The following TEX15 variants were observed in gnomAD, a reference collection of about 807,000 sequenced individuals.
The protein encoded by TEX15 is testis expressed 15, meiosis and synapsis associated, also known as testis-expressed protein 15.
Under a neutral mutation model 237.3 loss-of-function variants are expected in TEX15, and 171 were observed. The observed-to-expected ratio is 0.72, with a 90% CI of 0.64 to 0.82. The LOEUF (loss-of-function observed/expected upper bound fraction) is 0.82, where lower values mean the gene tolerates loss of function less well. TEX15 is among the 40% of genes least tolerant of loss of function. The pLI, the probability that TEX15 is intolerant of heterozygous loss-of-function variation, is 0.00. For missense variants in TEX15, 3,750 were observed against 3,646.5 expected (o/e 1.03, Z -0.73); for synonymous variants, 1,338 against 1,269.8 (o/e 1.05, Z -1.14).
At position 30,845,345 on chromosome 8, in the gene TEX15, C is replaced by T. The variant is rs751183439; in HGVS notation, c.4822G>A (p.Ala1608Thr). The T allele has an allele frequency of 7.4e-6, 12 of 1,611,960 alleles. No homozygotes were observed. Among genetic ancestry groups the T allele is most frequent in the South Asian group, 4.4e-5 (4 of 90,928 alleles). The part of the protein sequence containing the change: ...KDATKENSCD[A>T]NEVINESNSV... The stretch of plus-strand genomic sequence containing the variant: ...TTACTTTCATTTATTACTTCATTAG[C>T]GTCACAACTGTTTTCTTTAGTTGCA... Residue 1608 changes from alanine (A) to threonine (T), a missense_variant, in exon 8 of 11, where the codon GCT becomes ACT. Coordinates refer to ENST00000643185, the MANE Select transcript of TEX15 (RefSeq NM_001350162.2).
intron 3 of TEX15, among the ~76,000 whole-genome samples, chr8:30,884,913 C>T (rs182338915): frequency 5.3e-5 from 8 of 152,120 alleles, no homozygotes; most frequent in East Asian, 1.9e-4. Flanking sequence ...AAGGTGTAAA[C>T]GTAAATTACT....
At chr8:30,860,835 G>A (rs574094631) in intron 5 of TEX15, among the ~76,000 whole-genome samples, 13 of 151,274 alleles carry the variant, frequency 8.6e-5, no homozygotes, top group Admixed American at 2.6e-4. Context: ...ACAGGCGTGA[G>A]CCACCGCGCC....
intron 3 of TEX15, among the ~76,000 whole-genome samples, chr8:30,883,987 G>C (rs1030515012): frequency 2.6e-5 from 4 of 152,116 alleles, no homozygotes; most frequent in African/African-American, 9.7e-5. Context: ...TTGGGATCAA[G>C]CGTTCCTCCC....
chr8:30,847,870 G>A lies in TEX15; in HGVS notation c.2297C>T (p.Pro766Leu), dbSNP rs9297162. 6.8e-6 allele frequency: 11 copies of A among 1,613,598 alleles called. No homozygotes were observed. Among genetic ancestry groups the A allele is most frequent in the East Asian group, 6.7e-5 (3 of 44,862 alleles). Reference sequence around the variant, plus strand: ...GGCCTGGGGTATGTCTTTTGGTTTCGGGAAAGCTTCAGTTATAATGCTAGC... The same window carrying A: ...GGCCTGGGGTATGTCTTTTGGTTTCAGGAAAGCTTCAGTTATAATGCTAGC... ...NYASIITEAF[P>L]KPKDIPQAKE... Residue 766 changes from proline (P) to leucine (L), a missense_variant, in exon 8 of 11, where the codon CCG becomes CTG. Physicochemically the swap from Pro to Leu is moderately conservative, Grantham distance 98 (BLOSUM62 -3). Coordinates refer to ENST00000643185, the MANE Select transcript of TEX15 (RefSeq NM_001350162.2).
chr8:30,846,574 C>T lies in TEX15; in HGVS notation c.3593G>A (p.Gly1198Glu). Reference protein sequence around the residue: ...ATKPEINKEDGEILGFDIYSQ... With the variant: ...ATKPEINKEDEEILGFDIYSQ... ...ATAAATGTCAAATCCTAGAATTTCT[C>T]CATCTTCCTTATTTATTTCCGGTTT... Residue 1198 changes from glycine (G) to glutamate (E), a missense_variant, in exon 8 of 11, where the codon GGA becomes GAA. Physicochemically the swap from Gly to Glu is moderately conservative, Grantham distance 98. Transcript: ENST00000643185. 6.2e-7 allele frequency: 1 copy of T among 1,613,832 alleles called. No homozygotes were observed. Among genetic ancestry groups the T allele is most frequent in the South Asian group, 1.1e-5 (1 of 91,056 alleles).
At position 30,844,273 on chromosome 8, in the gene TEX15, G is replaced by C. The variant is rs762560982; in HGVS notation, c.5894C>G (p.Ser1965Cys). The change falls in exon 8 of 11, where the codon TCT becomes TGT. Residue 1965 changes from serine to cysteine, a missense_variant. Transcript: ENST00000643185. ...AAGAGTAGGGACTTTACAGGTTTCAGAGTGGGCAGGTAAAATAGGCGTATG... is the reference window on the plus strand; with the variant it reads ...AAGAGTAGGGACTTTACAGGTTTCACAGTGGGCAGGTAAAATAGGCGTATG... ...VNHTPILPAH[S>C]ETCKVPTLLK... The C allele has an allele frequency of 1.2e-6, 2 of 1,613,368 alleles. No homozygotes were observed. The highest frequency in any genetic ancestry group is 3.3e-5 in the Admixed American group (2 of 59,974).
At chr8:30,855,025 A>G (rs752565138) in intron 7 of TEX15, among the ~76,000 whole-genome samples, 3 of 152,158 alleles carry the variant, frequency 2.0e-5, no homozygotes, top group Admixed American at 6.5e-5. Context: ...ACTTCCTGGT[A>G]AAAGACTGGA....
intron 7 of TEX15, among the ~76,000 whole-genome samples, chr8:30,851,235 C>T (rs764856336): frequency 1.1e-4 from 16 of 152,096 alleles, no homozygotes; most frequent in African/African-American, 1.7e-4. Flanking sequence ...ATGAGACTGG[C>T]TAAATGAATG....
intron 3 of TEX15, among the ~76,000 whole-genome samples, chr8:30,880,008 A>C (rs1361443982): frequency 6.6e-6 from 1 of 151,722 alleles, no homozygotes; most frequent in Non-Finnish European, 1.5e-5. Flanking sequence ...TTTGTACCTA[A>C]GTATTTCATT....
In TEX15 at chr8:30,846,582, CTTAT is replaced by C. The variant is rs756261029; in HGVS notation, c.3581_3584del (p.Asn1194ArgfsTer7). 9 of 1,613,726 alleles carry C rather than the reference CTTAT, an allele frequency of 5.6e-6. No homozygotes were observed. Among genetic ancestry groups the C allele is most frequent in the African/African-American group, 2.7e-5 (2 of 74,916 alleles). Reference sequence around the variant, plus strand: ...CAAATCCTAGAATTTCTCCATCTTCCTTATTTATTTCCGGTTTTGTGGCTTCAGT... The same window carrying C: ...CAAATCCTAGAATTTCTCCATCTTCCTTATTTCCGGTTTTGTGGCTTCAGT... On this transcript the variant is annotated frameshift_variant, in exon 8 of 11. Coordinates refer to ENST00000643185, the MANE Select transcript of TEX15 (RefSeq NM_001350162.2). LOFTEE classifies it high-confidence loss of function.
chr8:30,839,751 T>C (rs1807398962), intron 9 of TEX15, among the ~76,000 whole-genome samples, 155 bp downstream of exon 9: 1 of 152,170 alleles, frequency 6.6e-6, no homozygotes, highest in South Asian at 2.1e-4. Context: ...CTGTATAATT[T>C]CAAACAAATT....
chr8:30,833,062 TC>T lies in TEX15; in HGVS notation c.*223del, dbSNP rs1041260918. The T allele has an allele frequency of 2.7e-5, 11 of 402,742 alleles. No homozygotes were observed. Among genetic ancestry groups the T allele is most frequent in the African/African-American group, 2.1e-4 (10 of 48,002 alleles). 24.9% of individuals were successfully genotyped at this position (402,742 alleles called of 1,614,324 possible). On this transcript the variant is annotated 3_prime_UTR_variant, in exon 11 of 11. Coordinates refer to ENST00000643185, the MANE Select transcript of TEX15 (RefSeq NM_001350162.2). ...TTGCTTAACTTTGATCATATTACCC[TC>T]CCCTTATAATTGCATGGAAATAATT... is the stretch of plus-strand genomic sequence containing the variant.
intron 1 of TEX15, among the ~76,000 whole-genome samples, chr8:30,899,506 T>C (rs1009692849): frequency 6.6e-6 from 1 of 152,170 alleles, no homozygotes; most frequent in African/African-American, 2.4e-5. Context: ...TACAGTGGCA[T>C]GATTTTGGCT....
chr8:30,868,826 T>G (rs959203539), intron 4 of TEX15, among the ~76,000 whole-genome samples: 1 of 151,282 alleles, frequency 6.6e-6, no homozygotes, highest in African/African-American at 2.4e-5. Context: ...TACAGCAGGG[T>G]TTTTCCACAG....
In TEX15 at chr8:30,831,563, T is replaced by G. The variant is rs1403002422; in HGVS notation, c.*1723A>C. 6.6e-6 allele frequency: 1 copy of G among 152,204 alleles called. No homozygotes were observed. Among genetic ancestry groups the G allele is most frequent in the Non-Finnish European group, 1.5e-5 (1 of 68,036 alleles). 9.4% of individuals were successfully genotyped at this position (152,204 alleles called of 1,614,324 possible). ...ACACACTTGAAGCAAAAATATTCCA[T>G]GTTTTAATATTCTGTCACGTACAGA... is the stretch of plus-strand genomic sequence containing the variant. On this transcript the variant is annotated 3_prime_UTR_variant, in exon 11 of 11. Transcript: ENST00000643185.
chr8:30,859,393 AAT>A (rs1469353847), intron 6 of TEX15, among the ~76,000 whole-genome samples: 1 of 152,038 alleles, frequency 6.6e-6, no homozygotes, highest in Non-Finnish European at 1.5e-5. Flanking sequence ...CTTGTTTCAA[AAT>A]AGCCTTGTTT....
chr8:30,833,834 G>A (rs1019022925), intron 10 of TEX15, among the ~76,000 whole-genome samples: 1 of 152,088 alleles, frequency 6.6e-6, no homozygotes, highest in African/African-American at 2.4e-5. Flanking sequence ...TTAAGTAAAT[G>A]ATTATTTCTT....
Position 30,848,965 on chromosome 8 carries a change from G to T in TEX15, c.1202C>A (p.Thr401Lys). The T allele has an allele frequency of 6.2e-7, 1 of 1,614,120 alleles. No individual in the cohort carries two copies. Among genetic ancestry groups the T allele is most frequent in the South Asian group, 1.1e-5 (1 of 91,080 alleles). The change falls in exon 8 of 11, where the codon ACA becomes AAA. Residue 401 changes from threonine to lysine, a missense_variant. By Grantham distance (78) the Thr-to-Lys change is moderately conservative. Coordinates refer to ENST00000643185, the MANE Select transcript of TEX15 (RefSeq NM_001350162.2). ...ACCACTTAAAATATTTTTAAGACTTGTCCAATTTAACAAAAGGTCACCATT... is the reference window on the plus strand; with the variant it reads ...ACCACTTAAAATATTTTTAAGACTTTTCCAATTTAACAAAAGGTCACCATT... ...SVNGDLLLNWTSLKNILSGLN... is the reference protein window; with the variant it reads ...SVNGDLLLNWKSLKNILSGLN...
chr8:30,866,461 A>C (rs2128771657), intron 5 of TEX15, among the ~76,000 whole-genome samples: 1 of 152,186 alleles, frequency 6.6e-6, no homozygotes, highest in South Asian at 2.1e-4. Context: ...AAGTACAGAA[A>C]ACTATATTGT....
Sources: allele counts gnomAD v4.1 joint callset (sites outside exome capture counted in the v4.1 genomes callset), GRCh38; gene constraint gnomAD v4.1.1; transcripts MANE v1.5; gene names NCBI Gene and HGNC (gene_info 2026-07-23, HGNC 2026-07-21).